The following NRDE2 variants were observed in gnomAD, a reference collection of about 807,000 sequenced individuals.
NRDE2 encodes the protein NRDE-2, necessary for RNA interference, domain containing, also known as nuclear exosome regulator NRDE2.
A neutral mutation model predicts 124.2 loss-of-function variants in NRDE2; 76 were observed. That is an observed-to-expected ratio of 0.61 (90% CI 0.51 to 0.74). The LOEUF (loss-of-function observed/expected upper bound fraction) is 0.74. Ranked by LOEUF, NRDE2 falls within the 30% of genes least tolerant of loss-of-function variation. The pLI is 0.00. For synonymous variants in NRDE2, 489 were observed against 528.1 expected (o/e 0.93, Z 1.01); for missense variants, 1,314 against 1,417.3 (o/e 0.93, Z 1.17).
At chr14:90,321,194 C>T (rs576994381) in intron 1 of NRDE2, among the ~76,000 whole-genome samples, 43 of 152,238 alleles carry the variant, frequency 2.8e-4, no homozygotes, top group South Asian at 2.1e-3. Context: ...TCACAACATA[C>T]AGTGTGTGAC....
At chr14:90,307,289 A>C (rs994034285) in intron 4 of NRDE2, among the ~76,000 whole-genome samples, 4 of 152,212 alleles carry the variant, frequency 2.6e-5, no homozygotes, top group Admixed American at 2.6e-4. Context: ...AATTTATTTA[A>C]CCATTTCCCA....
chr14:90,328,172 T>C (rs1240455197), intron 1 of NRDE2, among the ~76,000 whole-genome samples: 1 of 149,268 alleles, frequency 6.7e-6, no homozygotes, highest in Non-Finnish European at 1.5e-5. Context: ...CCAGGAGTGG[T>C]GGCGCATGCC....
At chr14:90,300,936 G>A (rs867858347) in intron 7 of NRDE2, among the ~76,000 whole-genome samples, 10 of 139,716 alleles carry the variant, frequency 7.2e-5, no homozygotes, top group African/African-American at 2.4e-4. Flanking sequence ...AGGAACACAG[G>A]CAGGCAGGCA....
intron 1 of NRDE2, among the ~76,000 whole-genome samples, chr14:90,330,466 A>G (rs542424328): frequency 6.6e-6 from 1 of 152,286 alleles, no homozygotes; most frequent in Admixed American, 6.5e-5. Flanking sequence ...CCTGATAGAG[A>G]TTACAGTCTA....
In NRDE2 at chr14:90,279,146, G is replaced by T. The variant is rs750764430; in HGVS notation, c.3298-13C>A. 2 of 1,594,512 alleles carry T rather than the reference G, an allele frequency of 1.3e-6. No individual in the cohort carries two copies. The highest frequency in any genetic ancestry group is 1.7e-6 in the Non-Finnish European group (2 of 1,162,066). ...TTCCTAAGGAAACCTGAGGTGAGGGGGAGAAAATACAAACATGATTAGTTG... is the reference window on the plus strand; with the variant it reads ...TTCCTAAGGAAACCTGAGGTGAGGGTGAGAAAATACAAACATGATTAGTTG... On this transcript the variant is annotated splice_polypyrimidine_tract_variant and intron_variant, in intron 12 of 13. Transcript: ENST00000354366.
At position 90,268,112 on chromosome 14, in the gene NRDE2, A is replaced by G; in HGVS notation, c.*10224T>C. On this transcript the variant is annotated 3_prime_UTR_variant, in exon 14 of 14. Transcript: ENST00000354366. ...ACTTGAATTGGTGCCATGCCTTAGC[A>G]TGAGGGCCCGCCTGTTTTTGGTGTC... The G allele has an allele frequency of 1.2e-6, 1 of 821,696 alleles. No individual in the cohort carries two copies. Among genetic ancestry groups the G allele is most frequent in the Non-Finnish European group, 1.8e-6 (1 of 542,598 alleles). The allele number at this position is 821,696 out of a possible 1,614,324, so 50.9% of individuals were successfully genotyped here. A position where few individuals can be genotyped will look rare whatever the true frequency, so the allele number is the denominator to read the frequency against.
chr14:90,297,207 C>T (rs1239198810), intron 8 of NRDE2, among the ~76,000 whole-genome samples: 1 of 150,352 alleles, frequency 6.7e-6, no homozygotes. Flanking sequence ...GTGTAAAATA[C>T]ACACCAGATT....
intron 13 of NRDE2, 185 bp downstream of exon 13, chr14:90,278,877 A>C: frequency 1.5e-6 from 1 of 655,484 alleles, no homozygotes; most frequent in Non-Finnish European, 2.8e-6. Flanking sequence ...AGGTAGGGCC[A>C]GGCTCTGACT....
At chr14:90,313,119 A>ATTTTTTTT (rs1207268681) in intron 3 of NRDE2, among the ~76,000 whole-genome samples, 4 of 102,264 alleles carry the variant, frequency 3.9e-5, no homozygotes, top group East Asian at 2.9e-4. Flanking sequence ...TCTCAGCCTC[A>ATTTTTTTT]TTTTTTTTTT....
chr14:90,268,560 C>T lies in NRDE2; in HGVS notation c.*9776G>A, dbSNP rs1891578058. On this transcript the variant is annotated 3_prime_UTR_variant, in exon 14 of 14. Transcript: ENST00000354366. ...CCATGCATGCTTTAGGCTCTGCTCT[C>T]CCAGGAGCCAGCTAACAACTGCCCA... 5.5e-6 allele frequency: 4 copies of T among 730,466 alleles called. No homozygotes were observed. The South Asian group carries it at 7.2e-5, about 13-fold the overall frequency. 45.2% of individuals were successfully genotyped at this position (730,466 alleles called of 1,614,324 possible). A position where few individuals can be genotyped will look rare whatever the true frequency, so the allele number is the denominator to read the frequency against.
chr14:90,306,006 A>G (rs1884586145), intron 4 of NRDE2, among the ~76,000 whole-genome samples: 1 of 152,202 alleles, frequency 6.6e-6, no homozygotes, highest in African/African-American at 2.4e-5. Context: ...AAATGCATCA[A>G]AAAAATAGGA....
At position 90,318,103 on chromosome 14, in the gene NRDE2, C is replaced by A; in HGVS notation, c.75G>T (p.Trp25Cys). Residue 25 changes from tryptophan (W) to cysteine (C), a missense_variant, in exon 2 of 14, where the codon TGG becomes TGT. Coordinates refer to ENST00000354366, the MANE Select transcript of NRDE2 (RefSeq NM_017970.4). Reference sequence around the variant, plus strand: ...CAACACAAAAGCTTGGGTTGCTCAGCCAGTCTAACTCTGCACAGGCAAAAG... The same window carrying A: ...CAACACAAAAGCTTGGGTTGCTCAGACAGTCTAACTCTGCACAGGCAAAAG... ...DGGSSRKELD[W>C]LSNPSFCVGS... is the part of the protein sequence containing the mutation. The A allele has an allele frequency of 6.2e-7, 1 of 1,613,038 alleles. No individual in the cohort carries two copies. The highest frequency in any genetic ancestry group is 8.5e-7 in the Non-Finnish European group (1 of 1,179,360).
chr14:90,281,712 T>C (rs1891959771), intron 12 of NRDE2: 1 of 152,250 alleles, frequency 6.6e-6, no homozygotes, highest in African/African-American at 2.4e-5. Context: ...TTCTCTTTTT[T>C]TATCTCCTTA....
rs1335916255 is a variant in NRDE2 at position 90,288,360 on chromosome 14, T to C, written c.3015A>G (p.Val1005=). The change falls in exon 11 of 14, where the codon GTA becomes GTG. Residue 1005 remains valine, a synonymous_variant. Coordinates refer to ENST00000354366, the MANE Select transcript of NRDE2 (RefSeq NM_017970.4). ...PGNQVLWRSY[V]QIQNKSHSAS... ...CACTGTGGGACTTATTCTGAATCTG[T>C]ACATAGGACCTCCAAAGAACCTGGT... 1.2e-6 allele frequency: 2 copies of C among 1,614,176 alleles called. No individual in the cohort carries two copies. Among genetic ancestry groups the C allele is most frequent in the East Asian group, 4.5e-5 (2 of 44,870 alleles).
chr14:90,292,085 ACAGAGCAG>A (rs1013047070), intron 9 of NRDE2, among the ~76,000 whole-genome samples: 8 of 152,224 alleles, frequency 5.3e-5, no homozygotes, highest in Non-Finnish European at 1.5e-5. Flanking sequence ...GCCACTAAAC[ACAGAGCAG>A]CATGTAACAA....
chr14:90,295,284 AAC>A (rs1483919032), intron 8 of NRDE2, among the ~76,000 whole-genome samples: 4 of 152,194 alleles, frequency 2.6e-5, no homozygotes, highest in Non-Finnish European at 5.9e-5. Flanking sequence ...AAAAACTTAA[AAC>A]ACATAATATG....
rs970967658 is a variant in NRDE2 at position 90,269,760 on chromosome 14, T to G, written c.*8576A>C. The G allele has an allele frequency of 6.5e-6, 3 of 464,358 alleles. No homozygotes were observed. Among genetic ancestry groups the G allele is most frequent in the African/African-American group, 4.0e-5 (2 of 49,930 alleles). 28.8% of individuals were successfully genotyped at this position (464,358 alleles called of 1,614,324 possible). A position where few individuals can be genotyped will look rare whatever the true frequency, so the allele number is the denominator to read the frequency against. On this transcript the variant is annotated 3_prime_UTR_variant, in exon 14 of 14. Transcript: ENST00000354366. ...CTTGGCCCTTTGAATTCCAGTCTTA[T>G]GTCTTGTCTTTTCTTTTCCATAACA...
chr14:90,295,090 A>G (rs1414961411), intron 8 of NRDE2, among the ~76,000 whole-genome samples: 1 of 152,142 alleles, frequency 6.6e-6, no homozygotes, highest in African/African-American at 2.4e-5. Context: ...CACACACACC[A>G]ATGAGTGCAT....
At chr14:90,313,198 C>T (rs1884913881) in intron 3 of NRDE2, among the ~76,000 whole-genome samples, 3 of 149,560 alleles carry the variant, frequency 2.0e-5, no homozygotes, top group Non-Finnish European at 3.0e-5. Context: ...GCCATCTCCG[C>T]TCACTGCAAG....
Sources: gnomAD v4.1 joint callset for allele counts (sites outside exome capture counted in the v4.1 genomes callset) on GRCh38, gnomAD v4.1.1 for gene constraint, MANE v1.5 for transcripts, NCBI Gene and HGNC (gene_info 2026-07-23, HGNC 2026-07-21) for gene names.